Variants in STYK1 observed in about 807,000 individuals in gnomAD.
STYK1 encodes tyrosine-protein kinase STYK1.
In STYK1, 46 loss-of-function variants were observed where a neutral mutation model predicts 48.1. The observed-to-expected ratio is 0.96, with a 90% CI of 0.75 to 1.22. The LOEUF is 1.22. STYK1 is among the 50% of genes most tolerant of loss of function. The probability of loss-of-function intolerance (pLI) is 0.00; values close to 1 mark genes in which losing one functional copy is unlikely to be tolerated. For missense variants in STYK1, 527 were observed against 521.1 expected, an observed-to-expected ratio of 1.01 and a Z score of -0.11; for synonymous variants, 188 against 189.0, an observed-to-expected ratio of 0.99 and a Z score of 0.04.
At chr12:10,633,630 G>GA (rs1281845988) in intron 4 of STYK1, among the ~76,000 whole-genome samples, 3 of 152,042 alleles carry the variant, frequency 2.0e-5, no homozygotes, top group Non-Finnish European at 4.4e-5. Context: ...GTATCATAGG[G>GA]TGATATGTCA....
chr12:10,634,192 C>A, intron 3 of STYK1, 68 bp from the exon 4 acceptor site: 1 of 1,553,792 alleles, frequency 6.4e-7, no homozygotes, highest in Non-Finnish European at 8.7e-7. Flanking sequence ...TGCAATTTCC[C>A]CTACCCGCCA....
At chr12:10,651,582 C>A (rs1947663065) in intron 1 of STYK1, among the ~76,000 whole-genome samples, 1 of 152,122 alleles carries the variant, frequency 6.6e-6, no homozygotes, top group Non-Finnish European at 1.5e-5. Flanking sequence ...CCTATGATAG[C>A]TATAATAATA....
chr12:10,652,144 C>G (rs1215497670), intron 1 of STYK1, among the ~76,000 whole-genome samples: 1 of 152,138 alleles, frequency 6.6e-6, no homozygotes, highest in Non-Finnish European at 1.5e-5. Context: ...TTGGGAACCC[C>G]GCCTTAAACT....
chr12:10,669,739 T>A (rs1947872480), intron 1 of STYK1, among the ~76,000 whole-genome samples: 1 of 152,154 alleles, frequency 6.6e-6, no homozygotes, highest in African/African-American at 2.4e-5. Context: ...TAATATCCGG[T>A]AAGTGATTAA....
At chr12:10,637,351 T>G (rs1947497384) in intron 1 of STYK1, among the ~76,000 whole-genome samples, 155 bp from the exon 2 acceptor site, 1 of 151,420 alleles carries the variant, frequency 6.6e-6, no homozygotes, top group Non-Finnish European at 1.5e-5. Context: ...TTTTTTTTTT[T>G]TTTTGAGACG....
At chr12:10,663,735 A>C (rs1947804561) in intron 1 of STYK1, among the ~76,000 whole-genome samples, 1 of 109,476 alleles carries the variant, frequency 9.1e-6, no homozygotes, top group African/African-American at 3.0e-5. Flanking sequence ...CACTTTGACC[A>C]TTTCGGAAAA....
At chr12:10,634,465 T>C in intron 3 of STYK1, 102 bp downstream of exon 3, 1 of 1,334,064 alleles carries the variant, frequency 7.5e-7, no homozygotes, top group Non-Finnish European at 1.1e-6. Flanking sequence ...ACTGTCTTCA[T>C]TTCTACTGGA....
At chr12:10,662,590 A>G (rs1318361643) in intron 1 of STYK1, among the ~76,000 whole-genome samples, 3 of 151,936 alleles carry the variant, frequency 2.0e-5, no homozygotes, top group African/African-American at 7.3e-5. Context: ...TGTGGTTTTG[A>G]TTTGCATTTC....
At chr12:10,649,549 A>G (rs899517522) in intron 1 of STYK1, among the ~76,000 whole-genome samples, 3 of 152,162 alleles carry the variant, frequency 2.0e-5, no homozygotes, top group African/African-American at 7.2e-5. Flanking sequence ...CCCAAAGAAA[A>G]ATATATTAGA....
chr12:10,636,783 TCAGCACACTCTCTCTTACCA>T (rs1947490332), intron 2 of STYK1, among the ~76,000 whole-genome samples: 1 of 152,164 alleles, frequency 6.6e-6, no homozygotes, highest in Non-Finnish European at 1.5e-5. Flanking sequence ...GAGGAGGTTC[TCAGCACACTCTCTCTTACCA>T]CAGCACAGGT....
At chr12:10,622,864 G>C (rs925880961) in intron 8 of STYK1, among the ~76,000 whole-genome samples, 186 bp from the exon 9 acceptor site, 1 of 152,114 alleles carries the variant, frequency 6.6e-6, no homozygotes, top group Admixed American at 6.5e-5. Context: ...CCATAGGTTC[G>C]AATCTCTTTT....
chr12:10,643,710 T>C (rs1237359696), intron 1 of STYK1, among the ~76,000 whole-genome samples: 2 of 152,096 alleles, frequency 1.3e-5, no homozygotes, highest in African/African-American at 2.4e-5. Context: ...GCTGACTAGA[T>C]AAAGGTGGGC....
At chr12:10,648,214 A>G (rs1947621934) in intron 1 of STYK1, among the ~76,000 whole-genome samples, 1 of 152,302 alleles carries the variant, frequency 6.6e-6, no homozygotes, top group South Asian at 2.1e-4. Flanking sequence ...TATATTTTTG[A>G]TTCACCTGTA....
At chr12:10,632,659 G>A (rs890206307) in intron 4 of STYK1, among the ~76,000 whole-genome samples, 2 of 152,206 alleles carry the variant, frequency 1.3e-5, no homozygotes, top group African/African-American at 4.8e-5. Context: ...AAGGAGTAGG[G>A]GCAGAAGCAG....
Position 10,619,967 on chromosome 12 carries a change from G to A in STYK1, c.*177C>T, listed in dbSNP as rs1865878572. 2.9e-6 allele frequency: 2 copies of A among 688,346 alleles called. No homozygotes were observed. The highest frequency in any genetic ancestry group is 4.9e-6 in the Non-Finnish European group (2 of 405,154). 42.6% of individuals were successfully genotyped at this position (688,346 alleles called of 1,614,324 possible). On this transcript the variant is annotated 3_prime_UTR_variant, in exon 11 of 11. Transcript: ENST00000075503. ...AGACTGACAGTATGTCTTAGCTCAG[G>A]ATGTGTAGAGTCCCATCCAGCATCA... is the stretch of plus-strand genomic sequence containing the variant.
At chr12:10,638,699 C>T (rs1309532798) in intron 1 of STYK1, among the ~76,000 whole-genome samples, 1 of 152,134 alleles carries the variant, frequency 6.6e-6, no homozygotes, top group Non-Finnish European at 1.5e-5. Context: ...TGCAATTTAC[C>T]CATGACTTTC....
At chr12:10,650,157 T>G (rs1248591455) in intron 1 of STYK1, among the ~76,000 whole-genome samples, 1 of 147,620 alleles carries the variant, frequency 6.8e-6, no homozygotes, top group Non-Finnish European at 1.5e-5. Flanking sequence ...AATCTTGAGT[T>G]TAACAAGCTT....
At chr12:10,670,113 C>T (rs1947876234) in intron 1 of STYK1, among the ~76,000 whole-genome samples, 1 of 152,162 alleles carries the variant, frequency 6.6e-6, no homozygotes, top group Admixed American at 6.5e-5. Context: ...ATCCAGCAAT[C>T]CCACTATTCG....
intron 1 of STYK1, among the ~76,000 whole-genome samples, chr12:10,646,935 A>G (rs554934599): frequency 5.3e-5 from 8 of 152,376 alleles, no homozygotes; most frequent in African/African-American, 1.9e-4. Context: ...GGTACACAGA[A>G]GTCAAGAATT....
Sources: allele counts gnomAD v4.1 joint callset (sites outside exome capture counted in the v4.1 genomes callset), GRCh38; gene constraint gnomAD v4.1.1; transcripts MANE v1.5; gene names NCBI Gene and HGNC (gene_info 2026-07-23, HGNC 2026-07-21).